Variants in CADM2 observed in about 807,000 individuals in gnomAD.
CADM2 encodes the protein immunoglobulin superfamily member 4D.
CADM2 carries 12 observed loss-of-function variants against 49.8 expected under a neutral mutation model. The ratio of observed to expected loss-of-function variants is 0.24; its 90% CI spans 0.15 to 0.39. The LOEUF is 0.39. Among genes scored for constraint, CADM2 ranks in the 10% least tolerant of loss-of-function variants. CADM2 has a pLI of 1.00. For missense variants in CADM2, 378 were observed against 492.3 expected (o/e 0.77, Z 2.20); for synonymous variants, 214 against 175.4 (o/e 1.22, Z -1.74).
At chr3:85,988,471 A>G (rs1167338542) in intron 8 of CADM2, among the ~76,000 whole-genome samples, 1 of 152,194 alleles carries the variant, frequency 6.6e-6, no homozygotes, top group Non-Finnish European at 1.5e-5. Flanking sequence ...TTCTTAAATA[A>G]AGAAATATAT....
intron 8 of CADM2, among the ~76,000 whole-genome samples, chr3:85,998,658 AG>A (rs1265176321): frequency 6.6e-6 from 1 of 152,146 alleles, no homozygotes; most frequent in African/African-American, 2.4e-5. Flanking sequence ...GAGCCTATTC[AG>A]GAAGTGATGA....
At chr3:85,671,903 A>G (rs966071648) in intron 1 of CADM2, among the ~76,000 whole-genome samples, 6 of 152,176 alleles carry the variant, frequency 3.9e-5, no homozygotes, top group Non-Finnish European at 8.8e-5. Context: ...ACATAAAATT[A>G]TCTCATATAT....
intron 8 of CADM2, chr3:85,992,482 G>A (rs1241082732): frequency 1.3e-5 from 2 of 152,024 alleles, no homozygotes; most frequent in African/African-American, 2.4e-5. Context: ...TTTGAATACA[G>A]ATAAGTTTAA....
chr3:85,944,778 G>A (rs552120044), intron 7 of CADM2, among the ~76,000 whole-genome samples: 2 of 150,734 alleles, frequency 1.3e-5, no homozygotes, highest in Admixed American at 6.6e-5. Context: ...TTTAAAACAT[G>A]TGTGTAGAGG....
chr3:85,320,423 G>T (rs1056984116), intron 1 of CADM2, among the ~76,000 whole-genome samples: 3 of 152,016 alleles, frequency 2.0e-5, no homozygotes, highest in African/African-American at 7.3e-5. Flanking sequence ...CATAGATTTC[G>T]GGTAGTTTTC....
At chr3:85,116,608 C>T (rs1486936205) in intron 1 of CADM2, among the ~76,000 whole-genome samples, 1 of 152,068 alleles carries the variant, frequency 6.6e-6, no homozygotes, top group Non-Finnish European at 1.5e-5. Flanking sequence ...ATATACTTCT[C>T]AATGAAATTA....
At position 86,045,257 on chromosome 3, in the gene CADM2, C is replaced by T. The variant is rs565051948; in HGVS notation, c.971-20348C>T. ...CAAATATATAGGTACAGCAAATGTA[C>T]TTATTACCATGGGAACTGTCATTGA... On this transcript the variant is annotated intron_variant, in intron 8 of 9. Transcript: ENST00000383699. 1.0e-3 allele frequency among the ~76,000 whole-genome samples: 152 copies of T among 152,042 alleles called. 1 individual carries two copies. Among genetic ancestry groups the T allele is most frequent in the Non-Finnish European group, 2.4e-4 (16 of 67,954 alleles).
chr3:84,961,332 A>G (rs937671089), intron 1 of CADM2, among the ~76,000 whole-genome samples: 13 of 152,114 alleles, frequency 8.5e-5, no homozygotes, highest in African/African-American at 3.1e-4. Flanking sequence ...TAACTAACTG[A>G]CCTTGTAGAG....
chr3:86,064,308 G>C lies in CADM2; in HGVS notation c.971-1297G>C, dbSNP rs1197396853. On this transcript the variant is annotated intron_variant, in intron 8 of 9. Coordinates refer to ENST00000383699, the MANE Select transcript of CADM2 (RefSeq NM_001167675.2). ...CTATGAGTGAGAACATGCAGTGTTT[G>C]GTTTTTTGTCCTTGCGATAGTTTGC... 2.6e-5 allele frequency among the ~76,000 whole-genome samples: 4 copies of C among 151,940 alleles called. No individual in the cohort carries two copies. The East Asian group carries it at 7.7e-4, about 29-fold the overall frequency.
At chr3:85,429,966 G>A (rs930746757) in intron 1 of CADM2, among the ~76,000 whole-genome samples, 6 of 152,154 alleles carry the variant, frequency 3.9e-5, no homozygotes, top group African/African-American at 1.2e-4. Flanking sequence ...TTAAAATGGT[G>A]ATCAAAGTGA....
chr3:85,718,080 T>A (rs904248196), intron 1 of CADM2, among the ~76,000 whole-genome samples: 1 of 152,182 alleles, frequency 6.6e-6, no homozygotes, highest in Admixed American at 6.5e-5. Context: ...AGAAGTTAGT[T>A]TTTTAAGGAT....
intron 1 of CADM2, among the ~76,000 whole-genome samples, chr3:85,064,764 C>G (rs934913801): frequency 2.0e-5 from 3 of 152,064 alleles, no homozygotes; most frequent in East Asian, 1.9e-4. Flanking sequence ...TTATATTTCT[C>G]TCTTCTCTGC....
chr3:85,824,178 G>C (rs2073772275), intron 3 of CADM2, among the ~76,000 whole-genome samples: 1 of 152,156 alleles, frequency 6.6e-6, no homozygotes, highest in Non-Finnish European at 1.5e-5. Context: ...TCACAATGGA[G>C]ATACTGCTAT....
chr3:85,651,493 A>G (rs1385794991), intron 1 of CADM2, among the ~76,000 whole-genome samples: 3 of 152,214 alleles, frequency 2.0e-5, no homozygotes, highest in Non-Finnish European at 2.9e-5. Context: ...ACAAAAAAGA[A>G]GCATGATAGA....
At chr3:85,777,280 G>C (rs1478389328) in intron 2 of CADM2, among the ~76,000 whole-genome samples, 1 of 126,194 alleles carries the variant, frequency 7.9e-6, no homozygotes, top group Non-Finnish European at 1.9e-5. Flanking sequence ...TTTTGAGGTG[G>C]AATCTCACTC....
At chr3:85,911,070 A>G (rs1223426463) in intron 5 of CADM2, among the ~76,000 whole-genome samples, 1 of 152,098 alleles carries the variant, frequency 6.6e-6, no homozygotes, top group East Asian at 1.9e-4. Context: ...AATATAAGTT[A>G]AAATCAAATT....
chr3:85,990,546 A>G (rs917113410), intron 8 of CADM2, among the ~76,000 whole-genome samples: 1 of 152,210 alleles, frequency 6.6e-6, no homozygotes, highest in African/African-American at 2.4e-5. Context: ...CGCATTATGG[A>G]ACTTGATAAG....
chr3:85,376,816 G>T (rs886372201), intron 1 of CADM2, among the ~76,000 whole-genome samples: 1 of 151,852 alleles, frequency 6.6e-6, no homozygotes, highest in Admixed American at 6.6e-5. Flanking sequence ...ATGAAAAAAA[G>T]GCTTTTAAGG....
At chr3:85,195,673 C>A (rs909493297) in intron 1 of CADM2, among the ~76,000 whole-genome samples, 1 of 151,948 alleles carries the variant, frequency 6.6e-6, no homozygotes, top group South Asian at 2.1e-4. Context: ...AATTTACATA[C>A]ATGTGTTAAA....
Sources: allele counts gnomAD v4.1 joint callset (sites outside exome capture counted in the v4.1 genomes callset), GRCh38; gene constraint gnomAD v4.1.1; transcripts MANE v1.5; gene names NCBI Gene and HGNC (gene_info 2026-07-23, HGNC 2026-07-21).